Variants in CEP112 observed in about 807,000 individuals in gnomAD.
The protein encoded by CEP112 is centrosomal protein 112.
A neutral mutation model predicts 153.0 loss-of-function variants in CEP112; 127 were observed. The observed-to-expected ratio is 0.83, with a 90% CI of 0.72 to 0.96. The LOEUF is 0.96. CEP112 is among the 40% of genes least tolerant of loss of function. The probability of loss-of-function intolerance (pLI) is 0.00; values close to 1 mark genes in which losing one functional copy is unlikely to be tolerated. For synonymous variants in CEP112, 358 were observed against 374.4 expected (o/e 0.96, Z 0.51); for missense variants, 1,089 against 1,101.2 (o/e 0.99, Z 0.16).
At chr17:66,104,979 AAAGT>A (rs1396560041) in intron 6 of CEP112, among the ~76,000 whole-genome samples, 4 of 152,234 alleles carry the variant, frequency 2.6e-5, no homozygotes, top group Non-Finnish European at 5.9e-5. Context: ...TATACTTAGT[AAAGT>A]AAGTATATTA....
At chr17:65,686,531 G>A (rs1234759096) in intron 24 of CEP112, among the ~76,000 whole-genome samples, 2 of 152,106 alleles carry the variant, frequency 1.3e-5, no homozygotes, top group African/African-American at 4.8e-5. Context: ...AGTCCTCCAG[G>A]GAGCACCTTT....
intron 6 of CEP112, among the ~76,000 whole-genome samples, chr17:66,102,248 C>G (rs1210300414): frequency 1.3e-5 from 2 of 152,046 alleles, no homozygotes; most frequent in African/African-American, 4.8e-5. Context: ...TTATGACAAG[C>G]TGTGAGAAAA....
At chr17:65,800,856 G>A (rs2055227748) in intron 21 of CEP112, among the ~76,000 whole-genome samples, 1 of 152,170 alleles carries the variant, frequency 6.6e-6, no homozygotes, top group South Asian at 2.1e-4. Context: ...TTTCCATAAT[G>A]ACTAATGGTG....
chr17:66,002,011 T>G (rs895816153), intron 17 of CEP112, among the ~76,000 whole-genome samples: 1 of 152,122 alleles, frequency 6.6e-6, no homozygotes, highest in Non-Finnish European at 1.5e-5. Flanking sequence ...AGAACAAAAA[T>G]TGAAAAGAAT....
At chr17:65,721,320 A>C (rs1239216171) in intron 23 of CEP112, among the ~76,000 whole-genome samples, 1 of 152,126 alleles carries the variant, frequency 6.6e-6, no homozygotes, top group Non-Finnish European at 1.5e-5. Flanking sequence ...TTTAAGTTCT[A>C]TATCTCTCTT....
At position 66,104,678 on chromosome 17, in the gene CEP112, G is replaced by A. The variant is rs1200100057; in HGVS notation, c.643-8046C>T. Among the ~76,000 whole-genome samples, 5 of 152,224 alleles carry A rather than the reference G, an allele frequency of 3.3e-5. No individual in the cohort carries two copies. The East Asian group carries it at 7.7e-4, about 24-fold the overall frequency. ...AGGGAAGAGCACCAAGCAGGCTCCTGGGGTCACCAATTCCAGGCCTTGGGT... is the reference window on the plus strand; with the variant it reads ...AGGGAAGAGCACCAAGCAGGCTCCTAGGGTCACCAATTCCAGGCCTTGGGT... On this transcript the variant is annotated intron_variant, in intron 6 of 26. Coordinates refer to ENST00000535342, the MANE Select transcript of CEP112 (RefSeq NM_001199165.4).
chr17:65,734,732 C>A (rs952727288), intron 23 of CEP112, among the ~76,000 whole-genome samples: 1 of 152,118 alleles, frequency 6.6e-6, no homozygotes, highest in African/African-American at 2.4e-5. Flanking sequence ...AAAATCTAGT[C>A]TCACACAGAT....
At chr17:66,077,595 T>C (rs879224122) in intron 8 of CEP112, among the ~76,000 whole-genome samples, 1 of 152,224 alleles carries the variant, frequency 6.6e-6, no homozygotes, top group African/African-American at 2.4e-5. Context: ...ACAATCGGTA[T>C]TCCTGAGGAA....
chr17:65,771,382 A>G (rs1018689020), intron 21 of CEP112, among the ~76,000 whole-genome samples: 1 of 152,192 alleles, frequency 6.6e-6, no homozygotes, highest in Non-Finnish European at 1.5e-5. Context: ...GGGCTTCAAA[A>G]TACATGAAAC....
At chr17:65,920,359 C>CAAACAAAAAAAAAA (rs1178505560) in intron 19 of CEP112, among the ~76,000 whole-genome samples, 9 of 29,834 alleles carry the variant, frequency 3.0e-4, no homozygotes, top group African/African-American at 1.0e-3. Flanking sequence ...AACAAACAAA[C>CAAACAAAAAAAAAA]AAAATATATA....
chr17:65,656,105 G>A (rs1418952098), intron 24 of CEP112, among the ~76,000 whole-genome samples: 1 of 152,184 alleles, frequency 6.6e-6, no homozygotes, highest in East Asian at 1.9e-4. Context: ...CAATCATCAC[G>A]TCGCATTATC....
At chr17:65,765,436 A>G (rs11655011) in intron 21 of CEP112, among the ~76,000 whole-genome samples, 44,512 of 151,820 alleles carry the variant, frequency 0.29, 7,916 homozygotes, top group Middle Eastern at 0.45. Flanking sequence ...GTATTTCACA[A>G]TGGTCACTTT....
intron 20 of CEP112, among the ~76,000 whole-genome samples, chr17:65,860,152 G>C (rs1057246068): frequency 1.3e-5 from 2 of 151,666 alleles, no homozygotes; most frequent in African/African-American, 2.4e-5. Flanking sequence ...TGTTCAAAAA[G>C]CAACTGCAGT....
At chr17:65,764,126 T>C (rs1598502957) in intron 21 of CEP112, among the ~76,000 whole-genome samples, 2 of 152,076 alleles carry the variant, frequency 1.3e-5, no homozygotes. Context: ...ATCCCCCATA[T>C]AGAAGGCTAG....
chr17:65,905,127 T>C (rs1010563680), intron 19 of CEP112, among the ~76,000 whole-genome samples: 22 of 152,110 alleles, frequency 1.4e-4, no homozygotes, highest in Non-Finnish European at 2.6e-4. Context: ...CTAAAGAGCT[T>C]CTGCACAGCA....
chr17:65,946,720 T>A (rs966429247), intron 18 of CEP112, among the ~76,000 whole-genome samples: 11 of 152,174 alleles, frequency 7.2e-5, no homozygotes, highest in African/African-American at 1.2e-4. Flanking sequence ...TTTGATTTTT[T>A]AAAATTTTTT....
chr17:65,988,507 T>A (rs151134446), intron 17 of CEP112, among the ~76,000 whole-genome samples: 124 of 151,820 alleles, frequency 8.2e-4, no homozygotes, highest in African/African-American at 3.0e-3. Context: ...TTAAGAAAAC[T>A]CAGTGATCTC....
At chr17:65,663,422 G>T (rs1011107685) in intron 24 of CEP112, among the ~76,000 whole-genome samples, 1 of 152,130 alleles carries the variant, frequency 6.6e-6, no homozygotes, top group East Asian at 1.9e-4. Flanking sequence ...TCTACACATG[G>T]TATAGCTCAA....
chr17:65,992,444 G>A (rs768622996), intron 17 of CEP112, among the ~76,000 whole-genome samples: 1 of 152,082 alleles, frequency 6.6e-6, no homozygotes, highest in African/African-American at 2.4e-5. Context: ...TCAGTTTGTT[G>A]GAAAAATAAC....
Sources: allele counts gnomAD v4.1 joint callset (sites outside exome capture counted in the v4.1 genomes callset), GRCh38; gene constraint gnomAD v4.1.1; transcripts MANE v1.5; gene names NCBI Gene and HGNC (gene_info 2026-07-23, HGNC 2026-07-21).